The following ADGRV1 variants were observed in gnomAD, a reference collection of about 807,000 sequenced individuals.
ADGRV1 encodes adhesion G protein-coupled receptor V1.
ADGRV1 carries 359 observed loss-of-function variants against 596.2 expected under a neutral mutation model. The observed-to-expected ratio is 0.60, with a 90% CI of 0.55 to 0.66. ADGRV1 has a LOEUF of 0.66. ADGRV1 is among the 30% of genes least tolerant of loss of function. The pLI, the probability that ADGRV1 is intolerant of heterozygous loss-of-function variation, is 0.00. For missense variants in ADGRV1, 7,274 were observed against 7,575.6 expected (o/e 0.96, Z 1.48); for synonymous variants, 2,681 against 2,679.2 (o/e 1.00, Z -0.02).
intron 83 of ADGRV1, among the ~76,000 whole-genome samples, chr5:90,922,689 T>A (rs3114654): frequency 1.3e-5 from 2 of 152,004 alleles, no homozygotes; most frequent in Non-Finnish European, 2.9e-5. Context: ...GAATGTGGTC[T>A]GCAGACCAGT....
chr5:90,564,235 G>GT (rs1291238938), intron 1 of ADGRV1, among the ~76,000 whole-genome samples: 4 of 152,192 alleles, frequency 2.6e-5, no homozygotes, highest in Admixed American at 6.5e-5. Flanking sequence ...AGAATCATTA[G>GT]TTTTATTTAA....
At chr5:90,950,693 A>C (rs1160477615) in intron 83 of ADGRV1, among the ~76,000 whole-genome samples, 1 of 152,160 alleles carries the variant, frequency 6.6e-6, no homozygotes, top group Non-Finnish European at 1.5e-5. Flanking sequence ...AAAAAAAGGG[A>C]GTCAAAATTT....
chr5:90,768,708 G>C (rs1328151782), intron 59 of ADGRV1, among the ~76,000 whole-genome samples: 1 of 152,140 alleles, frequency 6.6e-6, no homozygotes, highest in Non-Finnish European at 1.5e-5. Flanking sequence ...GGACAACTAA[G>C]CTCCATACTT....
intron 76 of ADGRV1, 90 bp from the exon 77 acceptor site, chr5:90,828,854 A>G (rs1230777461): frequency 1.4e-6 from 1 of 723,950 alleles, no homozygotes; most frequent in Non-Finnish European, 2.0e-6. Flanking sequence ...AAAAATGTAT[A>G]TGAATTATAC....
chr5:91,036,487 G>A (rs1249979143), intron 85 of ADGRV1, among the ~76,000 whole-genome samples: 3 of 151,912 alleles, frequency 2.0e-5, no homozygotes, highest in Non-Finnish European at 2.9e-5. Flanking sequence ...GCGTGAACCC[G>A]GGAGGCGGAG....
chr5:90,798,767 T>C (rs1290649598), intron 70 of ADGRV1, among the ~76,000 whole-genome samples: 1 of 152,202 alleles, frequency 6.6e-6, no homozygotes, highest in East Asian at 1.9e-4. Context: ...CAAGGCTGGT[T>C]CAACATATGC....
chr5:91,072,705 T>C (rs1364460098), intron 86 of ADGRV1, 101 bp downstream of exon 86: 1 of 1,206,744 alleles, frequency 8.3e-7, no homozygotes, highest in Non-Finnish European at 1.2e-6. Flanking sequence ...GTTCGGCTCA[T>C]CTTTCAGCTC....
chr5:90,562,022 C>G (rs1374287336), intron 1 of ADGRV1, among the ~76,000 whole-genome samples: 2 of 152,102 alleles, frequency 1.3e-5, no homozygotes, highest in Admixed American at 6.5e-5. Flanking sequence ...GAAAAAATCA[C>G]CAGAACCTCC....
intron 89 of ADGRV1, among the ~76,000 whole-genome samples, chr5:91,155,749 A>G (rs759228271): frequency 2.7e-4 from 41 of 152,228 alleles, no homozygotes; most frequent in Non-Finnish European, 5.7e-4. Flanking sequence ...TGAGATTTTT[A>G]TAGAACATAG....
intron 85 of ADGRV1, among the ~76,000 whole-genome samples, chr5:90,993,741 G>C (rs576742911): frequency 6.6e-6 from 1 of 152,150 alleles, no homozygotes; most frequent in African/African-American, 2.4e-5. Context: ...TCGGAGTGGA[G>C]TCTGTGAAAC....
Position 90,675,281 on chromosome 5 carries a change from A to G in ADGRV1, c.5149A>G (p.Lys1717Glu), listed in dbSNP as rs1773059155. ...CTCCACAGGGCTGCCTCCTCAGCCT[A>G]AGGACGCAATGACCCTGCCTGCAAG... ...QFSTGLPPQP[K>E]DAMTLPASSV... Residue 1717 changes from lysine to glutamate, a missense_variant, in exon 24 of 90, where the codon AAG becomes GAG. Around this residue, in one of 5 missense-constraint regions of ADGRV1, gnomAD observed 3,643 missense variants for 3,809.2 expected, o/e 0.96. Transcript: ENST00000405460. The G allele has an allele frequency of 7.4e-6, 12 of 1,613,726 alleles. 1 individual carries two copies. The East Asian group carries it at 2.0e-4, about 27-fold the overall frequency.
chr5:91,012,415 G>A (rs1395446792), intron 85 of ADGRV1, among the ~76,000 whole-genome samples: 1 of 151,694 alleles, frequency 6.6e-6, no homozygotes, highest in Non-Finnish European at 1.5e-5. Flanking sequence ...ATATTCTTTA[G>A]ACCTTTAAAT....
intron 83 of ADGRV1, among the ~76,000 whole-genome samples, chr5:90,864,704 T>G (rs1051066744): frequency 1.3e-5 from 2 of 152,160 alleles, no homozygotes; most frequent in Non-Finnish European, 1.5e-5. Flanking sequence ...GCATAATCAC[T>G]TCTACTTTAA....
At chr5:90,586,683 G>A (rs1454619048) in intron 1 of ADGRV1, among the ~76,000 whole-genome samples, 2 of 152,178 alleles carry the variant, frequency 1.3e-5, no homozygotes, top group Non-Finnish European at 2.9e-5. Flanking sequence ...ATTTCATATT[G>A]CATCACATCA....
rs187013180 is a variant in ADGRV1, at chr5:90,638,172, G to A, written c.2240+224G>A. Among the ~76,000 whole-genome samples, 457 of 151,700 alleles carry A rather than the reference G, an allele frequency of 3.0e-3. 4 individuals carry two copies. The highest frequency in any genetic ancestry group is 0.011 in the African/African-American group (435 of 41,364). On this transcript the variant is annotated intron_variant, in intron 11 of 89. Coordinates refer to ENST00000405460, the MANE Select transcript of ADGRV1 (RefSeq NM_032119.4). The stretch of plus-strand genomic sequence containing the variant: ...GAATTTTTACCCTGCTTTTCATTGT[G>A]AAGAAGCACTACAGAGAGAATTTAT...
intron 83 of ADGRV1, among the ~76,000 whole-genome samples, chr5:90,923,084 C>G (rs969747284): frequency 3.9e-5 from 6 of 152,110 alleles, no homozygotes; most frequent in African/African-American, 1.4e-4. Flanking sequence ...TTATTTATTT[C>G]TATGAGAAAT....
chr5:90,716,914 A>T, intron 43 of ADGRV1, 185 bp downstream of exon 43: 1 of 450,302 alleles, frequency 2.2e-6, no homozygotes, highest in Non-Finnish European at 3.9e-6. Flanking sequence ...TATAAAGCGC[A>T]ACTGGAAAAA....
In ADGRV1 at chr5:91,015,899, T is replaced by A. The variant is rs764717363; in HGVS notation, c.18152+30377T>A. 1.2e-3 allele frequency among the ~76,000 whole-genome samples: 188 copies of A among 152,084 alleles called. 1 individual carries two copies. The highest frequency in any genetic ancestry group is 2.5e-3 in the Non-Finnish European group (169 of 67,936). ...TTATTATTGATATGTTTGGATTTGG[T>A]CCTGTCATTGTGGTGTTAGCTGGTT... On this transcript the variant is annotated intron_variant, in intron 85 of 89. Transcript: ENST00000405460.
chr5:90,894,623 A>G (rs1771127567), intron 83 of ADGRV1, among the ~76,000 whole-genome samples: 1 of 152,222 alleles, frequency 6.6e-6, no homozygotes, highest in East Asian at 1.9e-4. Flanking sequence ...CGACTCTGCA[A>G]GGCAGCACAG....
Sources: allele counts gnomAD v4.1 joint callset (sites outside exome capture counted in the v4.1 genomes callset), GRCh38; gene constraint gnomAD v4.1.1; regional missense constraint gnomAD v4.1.1; transcripts MANE v1.5; gene names NCBI Gene and HGNC (gene_info 2026-07-23, HGNC 2026-07-21).